The following SIPA1L1 variants were observed in gnomAD, a reference collection of about 807,000 sequenced individuals.
SIPA1L1 encodes signal induced proliferation associated 1 like 1.
A neutral mutation model predicts 162.7 loss-of-function variants in SIPA1L1; 26 were observed. That is an observed-to-expected ratio of 0.16 (90% CI 0.12 to 0.22). The LOEUF is 0.22. SIPA1L1 is among the 10% of genes least tolerant of loss of function. The pLI is 1.00. For synonymous variants in SIPA1L1, 829 were observed against 837.4 expected (o/e 0.99, Z 0.17); for missense variants, 1,874 against 2,241.0 (o/e 0.84, Z 3.31).
At chr14:71,653,008 T>A (rs1339581596) in intron 8 of SIPA1L1, among the ~76,000 whole-genome samples, 1 of 152,190 alleles carries the variant, frequency 6.6e-6, no homozygotes, top group Non-Finnish European at 1.5e-5. Flanking sequence ...TGATAAGATG[T>A]TGGATATTGT....
chr14:71,564,384 A>G (rs576813520), intron 4 of SIPA1L1, among the ~76,000 whole-genome samples: 72 of 146,330 alleles, frequency 4.9e-4, no homozygotes, highest in African/African-American at 1.8e-3. Flanking sequence ...TTTTTTAAAC[A>G]TACATGGAGG....
chr14:71,506,483 G>A (rs994178882), intron 2 of SIPA1L1, among the ~76,000 whole-genome samples: 5 of 152,074 alleles, frequency 3.3e-5, no homozygotes, highest in African/African-American at 4.8e-5. Context: ...TGGGATTACA[G>A]GGGCGTGCCA....
chr14:71,463,632 A>G (rs1405966514), intron 2 of SIPA1L1, among the ~76,000 whole-genome samples: 1 of 152,186 alleles, frequency 6.6e-6, no homozygotes, highest in African/African-American at 2.4e-5. Context: ...TCCTTCCTCA[A>G]GGGGACCCGG....
At chr14:71,583,478 G>A (rs1013740489) in intron 4 of SIPA1L1, among the ~76,000 whole-genome samples, 2 of 152,126 alleles carry the variant, frequency 1.3e-5, no homozygotes, top group East Asian at 1.9e-4. Flanking sequence ...TATGAGGAAC[G>A]CTACATCTTT....
chr14:71,327,863 C>A (rs184568919), intron 2 of SIPA1L1, among the ~76,000 whole-genome samples: 1 of 152,090 alleles, frequency 6.6e-6, no homozygotes, highest in Non-Finnish European at 1.5e-5. Context: ...ATTTGACATA[C>A]GAAGAGAGTG....
chr14:71,502,137 T>C (rs2050271490), intron 2 of SIPA1L1, among the ~76,000 whole-genome samples: 1 of 148,618 alleles, frequency 6.7e-6, no homozygotes, highest in African/African-American at 2.5e-5. Flanking sequence ...ATTAGAATTC[T>C]TCAGTATTAG....
chr14:71,647,066 C>T (rs1223833105), intron 7 of SIPA1L1, among the ~76,000 whole-genome samples: 1 of 152,072 alleles, frequency 6.6e-6, no homozygotes, highest in Non-Finnish European at 1.5e-5. Flanking sequence ...GCTAAGGATT[C>T]TAGGAGCCTG....
chr14:71,671,451 T>C lies in SIPA1L1; in HGVS notation c.2588T>C (p.Val863Ala). 6.2e-7 allele frequency: 1 copy of C among 1,614,168 alleles called. No homozygotes were observed. The highest frequency in any genetic ancestry group is 8.5e-7 in the Non-Finnish European group (1 of 1,180,014). Residue 863 changes from valine to alanine, a missense_variant, in exon 11 of 24, where the codon GTC becomes GCC. Physicochemically the swap from Val to Ala is moderately conservative, Grantham distance 64. Transcript: ENST00000381232. ...AGCATGGGGGCCATTGTATGGGCAG[T>C]CCGGGCTGAAGACTACAACAAGGCC... ...LSSMGAIVWA[V>A]RAEDYNKAME...
intron 2 of SIPA1L1, among the ~76,000 whole-genome samples, chr14:71,409,380 G>C (rs777768610): frequency 6.6e-6 from 1 of 152,086 alleles, no homozygotes; most frequent in South Asian, 2.1e-4. Context: ...GGGTCCTTTG[G>C]TTAGAGAGAC....
chr14:71,462,744 A>G (rs1216544022), intron 2 of SIPA1L1, among the ~76,000 whole-genome samples: 1 of 152,206 alleles, frequency 6.6e-6, no homozygotes, highest in Non-Finnish European at 1.5e-5. Flanking sequence ...TAATGTCATC[A>G]ACGTAATGGA....
chr14:71,420,305 A>G (rs1209894850), intron 2 of SIPA1L1, among the ~76,000 whole-genome samples: 8 of 152,204 alleles, frequency 5.3e-5, no homozygotes, highest in Non-Finnish European at 1.2e-4. Flanking sequence ...GTAGAAATAT[A>G]GGTAAATGCA....
At chr14:71,594,868 T>C (rs2035850818) in intron 5 of SIPA1L1, among the ~76,000 whole-genome samples, 1 of 152,208 alleles carries the variant, frequency 6.6e-6, no homozygotes, top group South Asian at 2.1e-4. Context: ...GAAGCTAAGC[T>C]AGGAGTGTGT....
intron 23 of SIPA1L1, 141 bp from the exon 24 acceptor site, chr14:71,738,877 C>A: frequency 2.2e-6 from 2 of 899,414 alleles, no homozygotes; most frequent in Non-Finnish European, 3.3e-6. Context: ...CACCTGATAC[C>A]AGTCCGTTTA....
intron 13 of SIPA1L1, among the ~76,000 whole-genome samples, chr14:71,691,784 T>C (rs2081273924): frequency 6.6e-6 from 1 of 152,168 alleles, no homozygotes; most frequent in Non-Finnish European, 1.5e-5. Context: ...CCATGCCTGC[T>C]CCTCTGACAA....
rs771267714 is a variant in SIPA1L1 at position 71,671,279 on chromosome 14, A to T, written c.2416A>T (p.Thr806Ser). 1.9e-6 allele frequency: 3 copies of T among 1,614,202 alleles called. No homozygotes were observed. The highest frequency in any genetic ancestry group is 3.3e-5 in the Admixed American group (2 of 60,022). ...HKSEKFRAMA[T>S]RTRQEYLKDL... ...ATCGGAGAAGTTTCGGGCCATGGCA[A>T]CTCGGACCCGCCAGGAATACCTGAA... The change falls in exon 11 of 24, where the codon ACT becomes TCT. Residue 806 changes from threonine (T) to serine (S), a missense_variant. Coordinates refer to ENST00000381232, the MANE Select transcript of SIPA1L1 (RefSeq NM_001386936.1).
rs193050731 is a variant in SIPA1L1 at position 71,667,083 on chromosome 14, C to T, written c.2256-4036C>T. On this transcript the variant is annotated intron_variant, in intron 10 of 23. Coordinates refer to ENST00000381232, the MANE Select transcript of SIPA1L1 (RefSeq NM_001386936.1). ...GCATTTAGAGGAAAGTTCAGACTTG[C>T]AAGCATAGCTTACTGCATGGGGGCT... is the stretch of plus-strand genomic sequence containing the variant. Among the ~76,000 whole-genome samples the T allele has an allele frequency of 5.7e-4, 86 of 152,174 alleles. No individual in the cohort carries two copies. The Middle Eastern group carries it at 0.01, about 18-fold the overall frequency.
At chr14:71,404,659 T>C (rs1025840290) in intron 2 of SIPA1L1, among the ~76,000 whole-genome samples, 1 of 152,242 alleles carries the variant, frequency 6.6e-6, no homozygotes, top group Non-Finnish European at 1.5e-5. Flanking sequence ...AGCCTAACAG[T>C]AGGCATGTAT....
intron 5 of SIPA1L1, among the ~76,000 whole-genome samples, chr14:71,598,057 G>T (rs191928000): frequency 6.6e-6 from 1 of 152,140 alleles, no homozygotes; most frequent in African/African-American, 2.4e-5. Flanking sequence ...AGAGGAAGCC[G>T]TCTGTGTATA....
At chr14:71,627,582 C>G (rs995306218) in intron 7 of SIPA1L1, among the ~76,000 whole-genome samples, 1 of 152,126 alleles carries the variant, frequency 6.6e-6, no homozygotes, top group African/African-American at 2.4e-5. Context: ...CTGTCAGGCA[C>G]CTTGATCTTC....
Sources: allele counts gnomAD v4.1 joint callset (sites outside exome capture counted in the v4.1 genomes callset), GRCh38; gene constraint gnomAD v4.1.1; transcripts MANE v1.5; gene names NCBI Gene and HGNC (gene_info 2026-07-23, HGNC 2026-07-21).